BACH2: variants seen among roughly 807,000 people sequenced by gnomAD.
The protein encoded by BACH2 is BACH transcriptional regulator 2, also known as transcription regulator protein BACH2.
In BACH2, 5 loss-of-function variants were observed where a neutral mutation model predicts 61.8. The ratio of observed to expected loss-of-function variants is 0.08; its 90% confidence interval spans 0.04 to 0.17. BACH2 has a LOEUF of 0.17. Ranked by LOEUF, BACH2 falls within the 10% of genes least tolerant of loss-of-function variation. The pLI is 1.00. For synonymous variants in BACH2, 446 were observed against 440.1 expected, an observed-to-expected ratio of 1.01 and a Z score of -0.17; for missense variants, 824 against 1,091.1, an observed-to-expected ratio of 0.76 and a Z score of 3.45.
intron 5 of BACH2, among the ~76,000 whole-genome samples, chr6:90,040,218 C>A (rs578051133): frequency 1.4e-4 from 22 of 152,154 alleles, no homozygotes; most frequent in Non-Finnish European, 2.9e-4. Context: ...ATTTTTTTCC[C>A]AAGTAAGTTT....
At chr6:90,214,358 G>A (rs533062768) in intron 3 of BACH2, among the ~76,000 whole-genome samples, 7 of 151,514 alleles carry the variant, frequency 4.6e-5, no homozygotes, top group Admixed American at 6.6e-5. Flanking sequence ...TTGGCGGGGC[G>A]GGGGGAGGGG....
intron 7 of BACH2, among the ~76,000 whole-genome samples, 174 bp from the exon 8 acceptor site, chr6:89,938,524 C>T (rs960946578): frequency 3.3e-5 from 5 of 152,102 alleles, no homozygotes; most frequent in African/African-American, 7.2e-5. Flanking sequence ...GTAATAATAC[C>T]TGGATAATCA....
intron 4 of BACH2, among the ~76,000 whole-genome samples, chr6:90,136,481 A>G (rs1784275357): frequency 6.6e-6 from 1 of 152,202 alleles, no homozygotes; most frequent in Non-Finnish European, 1.5e-5. Flanking sequence ...GTTTATTTTG[A>G]TAAGGATTCA....
intron 4 of BACH2, among the ~76,000 whole-genome samples, chr6:90,191,386 C>A (rs971965181): frequency 3.9e-5 from 6 of 152,226 alleles, no homozygotes; most frequent in African/African-American, 1.4e-4. Flanking sequence ...TTAGATGGAA[C>A]AAATTTTCAA....
intron 3 of BACH2, among the ~76,000 whole-genome samples, chr6:90,241,425 CATTAGCCTG>C (rs1255681487): frequency 6.6e-6 from 1 of 152,210 alleles, no homozygotes; most frequent in Non-Finnish European, 1.5e-5. Flanking sequence ...CGTGTGTTCA[CATTAGCCTG>C]ATAGAGGATC....
chr6:90,257,869 G>A (rs991140110), intron 2 of BACH2, among the ~76,000 whole-genome samples: 2 of 152,090 alleles, frequency 1.3e-5, no homozygotes, highest in South Asian at 2.1e-4. Context: ...TCGGCCTCCT[G>A]GGTTCAAGCG....
At chr6:90,200,066 A>G (rs1240804479) in intron 4 of BACH2, among the ~76,000 whole-genome samples, 2 of 152,218 alleles carry the variant, frequency 1.3e-5, no homozygotes, top group African/African-American at 4.8e-5. Flanking sequence ...TAAACCCAAG[A>G]AAGTTTTGCA....
intron 4 of BACH2, among the ~76,000 whole-genome samples, chr6:90,188,462 C>T (rs551396358): frequency 2.0e-5 from 3 of 151,880 alleles, no homozygotes; most frequent in African/African-American, 4.8e-5. Flanking sequence ...TTATTTGGTA[C>T]CCGGGCACTG....
intron 5 of BACH2, among the ~76,000 whole-genome samples, chr6:90,049,951 T>C (rs552691433): frequency 3.3e-5 from 5 of 152,318 alleles, no homozygotes; most frequent in South Asian, 2.1e-4. Context: ...ACTTGGGCAT[T>C]TGGGAGACAT....
intron 6 of BACH2, among the ~76,000 whole-genome samples, chr6:89,979,029 T>C (rs1344270732): frequency 2.0e-5 from 3 of 152,216 alleles, no homozygotes; most frequent in Middle Eastern, 3.2e-3. Flanking sequence ...GATCTCTGCC[T>C]TTCCCTAAGG....
chr6:90,173,489 A>AAT (rs1194417726), intron 4 of BACH2, among the ~76,000 whole-genome samples: 1 of 152,140 alleles, frequency 6.6e-6, no homozygotes, highest in Non-Finnish European at 1.5e-5. Context: ...ATACTGAAAA[A>AAT]ATATAAAGGA....
At chr6:90,032,548 A>T (rs1396035589) in intron 5 of BACH2, among the ~76,000 whole-genome samples, 1 of 145,992 alleles carries the variant, frequency 6.8e-6, no homozygotes, top group Admixed American at 6.7e-5. Flanking sequence ...TGGGTGAAGG[A>T]TATGAACAGA....
chr6:90,123,172 G>C (rs1783702793), intron 4 of BACH2, among the ~76,000 whole-genome samples: 2 of 152,148 alleles, frequency 1.3e-5, no homozygotes, highest in Admixed American at 1.3e-4. Flanking sequence ...GGTGTCCTTA[G>C]AAGACACAGA....
Position 90,078,883 on chromosome 6 carries a change from T to TG in BACH2, c.-13+10077dup, listed in dbSNP as rs1272198207. On this transcript the variant is annotated intron_variant, in intron 5 of 8. Coordinates refer to ENST00000257749, the MANE Select transcript of BACH2 (RefSeq NM_021813.4). The stretch of plus-strand genomic sequence containing the variant: ...ACTGTGCCACACTGTCTGCCACAGT[T>TG]GGGGATGCCAAAGAAAAATGTGATT... 2.0e-5 allele frequency among the ~76,000 whole-genome samples: 3 copies of TG among 152,280 alleles called. No homozygotes were observed. In the East Asian group the frequency reaches 5.8e-4, roughly 29 times the overall value.
intron 5 of BACH2, among the ~76,000 whole-genome samples, chr6:90,012,262 A>AT (rs980512714): frequency 1.3e-5 from 2 of 152,190 alleles, no homozygotes; most frequent in African/African-American, 4.8e-5. Context: ...TGATGAATTT[A>AT]GGAAGAACTG....
chr6:89,987,586 G>C (rs555759569), intron 6 of BACH2, among the ~76,000 whole-genome samples: 2 of 152,064 alleles, frequency 1.3e-5, no homozygotes, highest in African/African-American at 4.8e-5. Context: ...GGGTGTAAAC[G>C]GGATCATGAG....
Position 90,062,855 on chromosome 6 carries a change from C to T in BACH2, c.-13+26106G>A, listed in dbSNP as rs1015239838. The T allele has an allele frequency of 2.2e-5, 20 of 922,192 alleles. No homozygotes were observed. In the African/African-American group the frequency reaches 3.2e-4, roughly 15 times the overall value. 57.1% of individuals were successfully genotyped at this position (922,192 alleles called of 1,614,324 possible). On this transcript the variant is annotated intron_variant, in intron 5 of 8. Coordinates refer to ENST00000257749, the MANE Select transcript of BACH2 (RefSeq NM_021813.4). ...TGAGAGCAGTGTGGGTATTTCAACA[C>T]GTCTCCTTTAGACAGATGAAAGGCT...
At chr6:89,968,871 T>A (rs1775192042) in intron 6 of BACH2, among the ~76,000 whole-genome samples, 1 of 151,808 alleles carries the variant, frequency 6.6e-6, no homozygotes, top group Non-Finnish European at 1.5e-5. Flanking sequence ...ATTAGCTGGG[T>A]GTGGTGGCGT....
intron 3 of BACH2, among the ~76,000 whole-genome samples, chr6:90,217,695 T>C (rs1236468474): frequency 2.0e-5 from 3 of 152,180 alleles, no homozygotes; most frequent in African/African-American, 4.8e-5. Flanking sequence ...AGCTAATGCA[T>C]GTAAGCAAAT....
Sources: gnomAD v4.1 joint callset for allele counts (sites outside exome capture counted in the v4.1 genomes callset) on GRCh38, gnomAD v4.1.1 for gene constraint, MANE v1.5 for transcripts, NCBI Gene and HGNC (gene_info 2026-07-23, HGNC 2026-07-21) for gene names.